Variants in MAMDC2 observed in about 807,000 individuals in gnomAD.
MAMDC2 encodes the protein MAM domain containing 2.
MAMDC2 carries 57 observed loss-of-function variants against 89.8 expected under a neutral mutation model. The ratio of observed to expected loss-of-function variants is 0.63; its 90% CI spans 0.51 to 0.79. The LOEUF is 0.79. Among genes scored for constraint, MAMDC2 ranks in the 30% least tolerant of loss-of-function variants. MAMDC2 has a pLI of 0.00. For synonymous variants in MAMDC2, 313 were observed against 293.4 expected (o/e 1.07, Z -0.68); for missense variants, 800 against 820.6 (o/e 0.97, Z 0.31).
chr9:70,166,579 A>G (rs541918874), intron 9 of MAMDC2, among the ~76,000 whole-genome samples: 1 of 152,226 alleles, frequency 6.6e-6, no homozygotes, highest in African/African-American at 2.4e-5. Context: ...CAAATCTGAC[A>G]ATGGCCAGTT....
In MAMDC2 at chr9:70,218,365, T is replaced by C. The variant is rs1373698662; in HGVS notation, c.1680T>C (p.His560=). Residue 560 remains histidine (H), a synonymous_variant, in exon 12 of 14, where the codon CAT becomes CAC. Coordinates refer to ENST00000377182, the MANE Select transcript of MAMDC2 (RefSeq NM_153267.5). ...VGYYMYIEAS[H]MVYGQKARLL... ...ACTACATGTACATTGAGGCCTCCCA[T>C]ATGGTGTATGGACAAAAAGCACGCC... 2.5e-6 allele frequency: 4 copies of C among 1,614,094 alleles called. No homozygotes were observed. The highest frequency in any genetic ancestry group is 3.4e-6 in the Non-Finnish European group (4 of 1,179,996).
intron 9 of MAMDC2, among the ~76,000 whole-genome samples, chr9:70,144,823 C>G (rs2031345931): frequency 6.6e-6 from 1 of 152,206 alleles, no homozygotes; most frequent in African/African-American, 2.4e-5. Context: ...CTCTTGGTTA[C>G]AACCATCTGG....
At chr9:70,051,939 A>G (rs1479710750) in intron 2 of MAMDC2, among the ~76,000 whole-genome samples, 3 of 152,244 alleles carry the variant, frequency 2.0e-5, no homozygotes, top group Non-Finnish European at 2.9e-5. Flanking sequence ...AGACAGATAG[A>G]TAGATATAGT....
chr9:70,128,182 A>G (rs1327851979), intron 6 of MAMDC2, among the ~76,000 whole-genome samples: 1 of 152,206 alleles, frequency 6.6e-6, no homozygotes, highest in Non-Finnish European at 1.5e-5. Context: ...GAGAAGGAAA[A>G]CAAACATTGG....
Position 70,186,645 on chromosome 9 carries a change from T to C in MAMDC2, c.1651+16014T>C, listed in dbSNP as rs113678336. On this transcript the variant is annotated intron_variant, in intron 11 of 13. Transcript: ENST00000377182. ...TAGTATGATATGTATTTGTCCACTT[T>C]GCATTGTTATAAAGGAATATCTGAG... is the stretch of plus-strand genomic sequence containing the variant. Among the ~76,000 whole-genome samples the C allele has an allele frequency of 7.6e-3, 1,161 of 152,340 alleles. 20 individuals are homozygous for C. The highest frequency in any genetic ancestry group is 0.025 in the African/African-American group (1,051 of 41,574).
chr9:70,168,647 G>A, intron 9 of MAMDC2, 55 bp from the exon 10 acceptor site: 1 of 1,442,454 alleles, frequency 6.9e-7, no homozygotes, highest in Non-Finnish European at 9.7e-7. Flanking sequence ...CAGGTTGTTA[G>A]GAGTTTCCAG....
rs567674900 is a variant in MAMDC2 at position 70,149,710 on chromosome 9, G to A, written c.1404+5891G>A. On this transcript the variant is annotated intron_variant, in intron 9 of 13. Coordinates refer to ENST00000377182, the MANE Select transcript of MAMDC2 (RefSeq NM_153267.5). Reference sequence around the variant, plus strand: ...ACTGATTAGGTCAGAATCTTTTGGTGTGGGGCCTGGGAATCAGTATTTTAT... The same window carrying A: ...ACTGATTAGGTCAGAATCTTTTGGTATGGGGCCTGGGAATCAGTATTTTAT... Among the ~76,000 whole-genome samples the A allele has an allele frequency of 2.8e-4, 43 of 152,308 alleles. 1 individual carries two copies. In the South Asian group the frequency reaches 8.9e-3, roughly 32 times the overall value.
Position 70,159,830 on chromosome 9 carries a change from G to A in MAMDC2, c.1405-8872G>A, listed in dbSNP as rs139571362. Reference sequence around the variant, plus strand: ...TTGACCAGGAGAACTCCCTATGGGAGGTGGGCCAGAGAGAAACCACATTGT... The same window carrying A: ...TTGACCAGGAGAACTCCCTATGGGAAGTGGGCCAGAGAGAAACCACATTGT... On this transcript the variant is annotated intron_variant, in intron 9 of 13. Coordinates refer to ENST00000377182, the MANE Select transcript of MAMDC2 (RefSeq NM_153267.5). 2.6e-5 allele frequency among the ~76,000 whole-genome samples: 4 copies of A among 152,286 alleles called. No individual in the cohort carries two copies. In the East Asian group the frequency reaches 7.7e-4, roughly 29 times the overall value.
intron 9 of MAMDC2, among the ~76,000 whole-genome samples, chr9:70,146,626 C>T (rs1587512806): frequency 6.6e-6 from 1 of 152,234 alleles, no homozygotes; most frequent in African/African-American, 2.4e-5. Context: ...CTAGTCCCTA[C>T]TGCTGAACTC....
At chr9:70,191,482 A>AC (rs144535886) in intron 11 of MAMDC2, among the ~76,000 whole-genome samples, 10,152 of 151,064 alleles carry the variant, frequency 0.067, 529 homozygotes, top group East Asian at 0.21. Flanking sequence ...TGTTACCCCC[A>AC]CCCCCATCCC....
chr9:70,187,014 T>C (rs1048462634), intron 11 of MAMDC2, among the ~76,000 whole-genome samples: 2 of 152,116 alleles, frequency 1.3e-5, no homozygotes, highest in Non-Finnish European at 1.5e-5. Context: ...CATTTCAACA[T>C]GAGATTTCAG....
intron 11 of MAMDC2, among the ~76,000 whole-genome samples, chr9:70,212,586 G>A (rs2033377820): frequency 6.6e-6 from 1 of 152,176 alleles, no homozygotes; most frequent in South Asian, 2.1e-4. Context: ...CGGGTGAGGT[G>A]ATGCCCCACC....
At chr9:70,136,448 G>T (rs2031015538) in intron 7 of MAMDC2, among the ~76,000 whole-genome samples, 1 of 152,160 alleles carries the variant, frequency 6.6e-6, no homozygotes, top group Admixed American at 6.6e-5. Context: ...CCTACTGAAG[G>T]ACATAGCTTG....
chr9:70,096,063 G>A (rs976697363), intron 2 of MAMDC2, among the ~76,000 whole-genome samples: 1 of 150,234 alleles, frequency 6.7e-6, no homozygotes, highest in Non-Finnish European at 1.5e-5. Context: ...TTGCTCTCTT[G>A]CCTGGGCTGG....
chr9:70,191,079 A>G (rs567933009), intron 11 of MAMDC2, among the ~76,000 whole-genome samples: 1 of 152,274 alleles, frequency 6.6e-6, no homozygotes, highest in East Asian at 1.9e-4. Flanking sequence ...AGCAAAATTC[A>G]GTCATTTTTA....
At chr9:70,205,197 C>G (rs1168005163) in intron 11 of MAMDC2, among the ~76,000 whole-genome samples, 1 of 152,176 alleles carries the variant, frequency 6.6e-6, no homozygotes, top group Non-Finnish European at 1.5e-5. Flanking sequence ...CATACTTTAA[C>G]CATTTTAAGT....
At chr9:70,118,370 T>C (rs2030114189) in intron 5 of MAMDC2, among the ~76,000 whole-genome samples, 1 of 148,162 alleles carries the variant, frequency 6.7e-6, no homozygotes, top group Admixed American at 6.7e-5. Flanking sequence ...TGGAGTCCTC[T>C]GTAAGTCTTT....
intron 5 of MAMDC2, among the ~76,000 whole-genome samples, chr9:70,122,284 T>C (rs1052161956): frequency 2.6e-5 from 4 of 152,330 alleles, no homozygotes; most frequent in African/African-American, 9.6e-5. Context: ...TTCTGGATGC[T>C]TTTTGGATCA....
At chr9:70,202,304 G>A (rs1009966199) in intron 11 of MAMDC2, among the ~76,000 whole-genome samples, 7 of 151,724 alleles carry the variant, frequency 4.6e-5, no homozygotes, top group Non-Finnish European at 1.0e-4. Flanking sequence ...CCTTCATTTC[G>A]TTATGTACCC....
Sources: allele counts gnomAD v4.1 joint callset (sites outside exome capture counted in the v4.1 genomes callset), GRCh38; gene constraint gnomAD v4.1.1; transcripts MANE v1.5; gene names NCBI Gene and HGNC (gene_info 2026-07-23, HGNC 2026-07-21).